POLR3B: variants seen among roughly 807,000 people sequenced by gnomAD.
The protein encoded by POLR3B is DNA-directed RNA polymerase III subunit RPC2.
In POLR3B, 96 loss-of-function variants were observed where a neutral mutation model predicts 147.4. The ratio of observed to expected loss-of-function variants is 0.65; its 90% CI spans 0.55 to 0.77. POLR3B has a LOEUF of 0.77. Ranked by LOEUF, POLR3B falls within the 30% of genes least tolerant of loss-of-function variation. POLR3B has a pLI of 0.00. For missense variants in POLR3B, 1,036 were observed against 1,413.5 expected, an observed-to-expected ratio of 0.73 and a Z score of 4.28; for synonymous variants, 461 against 485.9, an observed-to-expected ratio of 0.95 and a Z score of 0.67.
chr12:106,382,533 A>G (rs1472120352), intron 9 of POLR3B, among the ~76,000 whole-genome samples: 1 of 152,232 alleles, frequency 6.6e-6, no homozygotes, highest in Non-Finnish European at 1.5e-5. Context: ...CATGGGCTGC[A>G]GAATGGATGT....
At chr12:106,495,431 G>A (rs994304791) in intron 23 of POLR3B, among the ~76,000 whole-genome samples, 1 of 152,062 alleles carries the variant, frequency 6.6e-6, no homozygotes, top group Non-Finnish European at 1.5e-5. Flanking sequence ...CTAATGGGCT[G>A]TAAGCTATAG....
chr12:106,462,535 C>T (rs911685385), intron 22 of POLR3B, among the ~76,000 whole-genome samples: 6 of 152,134 alleles, frequency 3.9e-5, no homozygotes, highest in South Asian at 2.1e-4. Flanking sequence ...CCACCGTGCC[C>T]GGCTGGGTGA....
intron 23 of POLR3B, among the ~76,000 whole-genome samples, chr12:106,475,253 T>C (rs1264665972): frequency 8.4e-6 from 1 of 118,438 alleles, no homozygotes; most frequent in Admixed American, 7.9e-5. Flanking sequence ...ATTTCTGTTC[T>C]TTTACATTGG....
In POLR3B at chr12:106,483,758, T is replaced by C. The variant is rs117077472; in HGVS notation, c.2714-12297T>C. 1.2e-4 allele frequency among the ~76,000 whole-genome samples: 18 copies of C among 152,266 alleles called. No homozygotes were observed. The East Asian group carries it at 3.1e-3, about 26-fold the overall frequency. ...GATAGTTTTCTTGAGTCAGAGGTGC[T>C]CAAGAGTTAGTAAGAGTGCTCAAGA... On this transcript the variant is annotated intron_variant, in intron 23 of 27. Transcript: ENST00000228347.
Position 106,459,276 on chromosome 12 carries a change from G to T in POLR3B, c.2478G>T (p.Val826=). The T allele has an allele frequency of 6.2e-7, 1 of 1,605,092 alleles. No homozygotes were observed. Among genetic ancestry groups the T allele is most frequent in the Non-Finnish European group, 8.5e-7 (1 of 1,171,872 alleles). ...GTGAGAAAGTAGAAAACAAACAAGT[G>T]CTTGTAAATAAGTCCATGCCCACAG... ...SPGEKVENKQ[V]LVNKSMPTVT... is the part of the protein sequence containing the mutation. The change falls in exon 22 of 28, where the codon GTG becomes GTT. Residue 826 remains valine (V), a synonymous_variant. Transcript: ENST00000228347.
At chr12:106,379,894 A>G (rs2036735500) in intron 8 of POLR3B, 137 bp from the exon 9 acceptor site, 1 of 674,172 alleles carries the variant, frequency 1.5e-6, no homozygotes. Context: ...TGTCTTTTTA[A>G]AGTACTTATT....
chr12:106,470,707 C>G (rs1033163282), intron 23 of POLR3B, among the ~76,000 whole-genome samples: 2 of 152,148 alleles, frequency 1.3e-5, no homozygotes, highest in Non-Finnish European at 2.9e-5. Context: ...TTCTAACAGA[C>G]AGGCCTGTCA....
At chr12:106,387,358 T>C (rs11112963) in intron 9 of POLR3B, among the ~76,000 whole-genome samples, 11,996 of 152,220 alleles carry the variant, frequency 0.079, 1,222 homozygotes, top group African/African-American at 0.23. Context: ...GTCATTTTTT[T>C]CCCCAAGGCT....
chr12:106,441,091 A>AT (rs1207977740), intron 18 of POLR3B, among the ~76,000 whole-genome samples: 1 of 151,934 alleles, frequency 6.6e-6, no homozygotes, highest in Non-Finnish European at 1.5e-5. Flanking sequence ...ACTATTCTAG[A>AT]TTTTTTTTCT....
intron 8 of POLR3B, among the ~76,000 whole-genome samples, chr12:106,379,328 C>G (rs1426271658): frequency 2.6e-5 from 4 of 152,204 alleles, no homozygotes; most frequent in Non-Finnish European, 1.5e-5. Flanking sequence ...GCTTTGTTTT[C>G]TAGTTATGAG....
At chr12:106,400,593 A>G (rs1228984881) in intron 10 of POLR3B, among the ~76,000 whole-genome samples, 1 of 152,208 alleles carries the variant, frequency 6.6e-6, no homozygotes, top group Non-Finnish European at 1.5e-5. Flanking sequence ...CTCTTCAGCA[A>G]ATGTAAAAGA....
At chr12:106,499,467 C>G (rs2038559425) in intron 25 of POLR3B, among the ~76,000 whole-genome samples, 1 of 152,162 alleles carries the variant, frequency 6.6e-6, no homozygotes, top group Non-Finnish European at 1.5e-5. Flanking sequence ...GTTGAAAATT[C>G]CCGAGGGCAT....
intron 16 of POLR3B, among the ~76,000 whole-genome samples, chr12:106,434,602 T>C (rs553284243): frequency 1.8e-4 from 28 of 151,900 alleles, no homozygotes; most frequent in African/African-American, 6.8e-4. Flanking sequence ...ACATGGTGTC[T>C]GGTTTGAGGG....
intron 10 of POLR3B, among the ~76,000 whole-genome samples, chr12:106,393,489 TTTTGTGTG>T (rs1453678622): frequency 2.5e-5 from 3 of 117,710 alleles, no homozygotes; most frequent in East Asian, 6.8e-4. Flanking sequence ...CGTGTACAGG[TTTTGTGTG>T]TGTGTGTGTG....
intron 27 of POLR3B, among the ~76,000 whole-genome samples, chr12:106,505,847 A>T (rs1455020424): frequency 6.6e-6 from 1 of 152,208 alleles, no homozygotes. Context: ...TGCCATCCTG[A>T]GCTACTAATT....
rs139889766 is a variant in POLR3B, at chr12:106,505,444, C to T, written c.3272+1190C>T. ...CTGGGACTTCAGGCTCACACCACCA[C>T]GCCTGACTAACTTTTGTATGTTTTG... On this transcript the variant is annotated intron_variant, in intron 27 of 27. Transcript: ENST00000228347. Among the ~76,000 whole-genome samples the T allele has an allele frequency of 2.0e-3, 299 of 152,160 alleles. 1 individual carries two copies. The highest frequency in any genetic ancestry group is 6.6e-3 in the African/African-American group (275 of 41,516).
Position 106,457,425 on chromosome 12 carries a change from C to G in POLR3B, c.2452+129C>G. 2 of 706,868 alleles carry G rather than the reference C, an allele frequency of 2.8e-6. 1 individual carries two copies. The highest frequency in any genetic ancestry group is 3.6e-5 in the African/African-American group (2 of 55,764). The allele number at this position is 706,868 out of a possible 1,614,324, so 43.8% of individuals were successfully genotyped here. On this transcript the variant is annotated intron_variant, in intron 21 of 27. Transcript: ENST00000228347. Reference sequence around the variant, plus strand: ...CTATAAAACCACCATCCAAACTCAACCAATGAGGTCATTTTTGATGAATTT... The same window carrying G: ...CTATAAAACCACCATCCAAACTCAAGCAATGAGGTCATTTTTGATGAATTT...
chr12:106,454,720 A>G lies in POLR3B; in HGVS notation c.2293+9A>G. ...GGCCTCTTTAGACAGAGGTAAGTGA[A>G]TTTTCAAAACTAACACCAAAGTTGC... On this transcript the variant is annotated intron_variant, in intron 20 of 27. Coordinates refer to ENST00000228347, the MANE Select transcript of POLR3B (RefSeq NM_018082.6). 1 of 1,534,054 alleles carries G rather than the reference A, an allele frequency of 6.5e-7. No homozygotes were observed.
chr12:106,440,360 C>G (rs1306602521), intron 18 of POLR3B, among the ~76,000 whole-genome samples: 1 of 152,182 alleles, frequency 6.6e-6, no homozygotes, highest in African/African-American at 2.4e-5. Context: ...CCCATATAGT[C>G]TTTTCCTAAT....
Sources: allele counts gnomAD v4.1 joint callset (sites outside exome capture counted in the v4.1 genomes callset), GRCh38; gene constraint gnomAD v4.1.1; transcripts MANE v1.5; gene names NCBI Gene and HGNC (gene_info 2026-07-23, HGNC 2026-07-21).